The following PHACTR3 variants were observed in gnomAD, a reference collection of about 807,000 sequenced individuals.
PHACTR3 encodes the protein protein phosphatase 1, regulatory subunit 123.
A neutral mutation model predicts 66.8 loss-of-function variants in PHACTR3; 16 were observed. The observed-to-expected ratio is 0.24, with a 90% confidence interval of 0.16 to 0.36. The LOEUF (loss-of-function observed/expected upper bound fraction) is 0.36, where lower values mean the gene tolerates loss of function less well. Ranked by LOEUF, PHACTR3 falls within the 10% of genes least tolerant of loss-of-function variation. PHACTR3 has a pLI of 1.00. For missense variants in PHACTR3, 647 were observed against 719.9 expected, an observed-to-expected ratio of 0.90 and a Z score of 1.16; for synonymous variants, 323 against 292.1, an observed-to-expected ratio of 1.11 and a Z score of -1.08.
chr20:59,690,070 T>C (rs535451217), intron 1 of PHACTR3, among the ~76,000 whole-genome samples: 1 of 152,298 alleles, frequency 6.6e-6, no homozygotes, highest in South Asian at 2.1e-4. Flanking sequence ...TTCACATCTT[T>C]CAGTGGTTGC....
intron 8 of PHACTR3, among the ~76,000 whole-genome samples, chr20:59,817,976 A>G (rs1049520110): frequency 1.1e-4 from 16 of 152,322 alleles, no homozygotes; most frequent in African/African-American, 3.6e-4. Context: ...TTAGCAGGGA[A>G]AATAAATGGG....
intron 1 of PHACTR3, among the ~76,000 whole-genome samples, chr20:59,697,254 C>CT (rs1445081635): frequency 2.6e-5 from 4 of 152,198 alleles, no homozygotes; most frequent in Non-Finnish European, 5.9e-5. Context: ...ATGTGCCTGT[C>CT]TCAGGGTTAT....
At chr20:59,813,838 C>T (rs867942411) in intron 8 of PHACTR3, among the ~76,000 whole-genome samples, 17 of 152,308 alleles carry the variant, frequency 1.1e-4, no homozygotes, top group African/African-American at 3.9e-4. Flanking sequence ...CAGACCTCCT[C>T]TTGTCATTCT....
At chr20:59,681,885 C>T (rs985459980) in intron 1 of PHACTR3, among the ~76,000 whole-genome samples, 4 of 152,070 alleles carry the variant, frequency 2.6e-5, no homozygotes, top group Non-Finnish European at 4.4e-5. Context: ...TGGCACATGC[C>T]TTTAATCCCA....
intron 1 of PHACTR3, among the ~76,000 whole-genome samples, chr20:59,584,554 C>T (rs759406198): frequency 5.3e-5 from 8 of 152,080 alleles, no homozygotes; most frequent in African/African-American, 1.2e-4. Context: ...TGAGTGTGTA[C>T]GTGCATGAGT....
intron 1 of PHACTR3, among the ~76,000 whole-genome samples, chr20:59,713,101 T>C (rs2037964375): frequency 6.6e-6 from 1 of 152,242 alleles, no homozygotes; most frequent in African/African-American, 2.4e-5. Flanking sequence ...AGTTCTCATT[T>C]TGAATCAGGG....
Position 59,694,265 on chromosome 20 carries a change from A to G in PHACTR3, c.119-48842A>G, listed in dbSNP as rs1416412427. Among the ~76,000 whole-genome samples the G allele has an allele frequency of 1.2e-4, 18 of 152,142 alleles. 1 individual carries two copies. Among genetic ancestry groups the G allele is most frequent in the Admixed American group, 1.2e-3 (18 of 15,260 alleles). On this transcript the variant is annotated intron_variant, in intron 1 of 12. Coordinates refer to ENST00000371015, the MANE Select transcript of PHACTR3 (RefSeq NM_080672.5). ...CAGGTGAGAGGCTCCTCAGGGATCC[A>G]CAGACCATTGTTTTGGCTTCTGTCT...
intron 8 of PHACTR3, among the ~76,000 whole-genome samples, chr20:59,825,784 G>A (rs2042173183): frequency 1.3e-5 from 2 of 152,174 alleles, no homozygotes; most frequent in Admixed American, 6.5e-5. Context: ...CTTGGCATGT[G>A]CTGTGGTCTG....
intron 1 of PHACTR3, among the ~76,000 whole-genome samples, chr20:59,660,233 G>A (rs1182121855): frequency 4.6e-5 from 7 of 152,130 alleles, no homozygotes; most frequent in African/African-American, 1.4e-4. Flanking sequence ...AGTGGCTCAC[G>A]CCTGTAATCC....
At chr20:59,692,499 TGATGATG>T (rs1383795695) in intron 1 of PHACTR3, among the ~76,000 whole-genome samples, 1 of 152,186 alleles carries the variant, frequency 6.6e-6, no homozygotes, top group African/African-American at 2.4e-5. Flanking sequence ...GGAAGGAAGA[TGATGATG>T]GATGCTTCTA....
intron 1 of PHACTR3, among the ~76,000 whole-genome samples, chr20:59,686,493 G>C (rs2036864503): frequency 6.6e-6 from 1 of 152,218 alleles, no homozygotes; most frequent in African/African-American, 2.4e-5. Flanking sequence ...TGATGATCAT[G>C]GTTGTGATGA....
chr20:59,585,656 G>C (rs2033004593), intron 1 of PHACTR3, among the ~76,000 whole-genome samples: 1 of 152,210 alleles, frequency 6.6e-6, no homozygotes, highest in Admixed American at 6.5e-5. Flanking sequence ...GCACCTAGCA[G>C]GTGTGCTGTA....
At chr20:59,649,866 G>A (rs1180723240) in intron 1 of PHACTR3, among the ~76,000 whole-genome samples, 3 of 151,996 alleles carry the variant, frequency 2.0e-5, no homozygotes, top group East Asian at 1.9e-4. Context: ...TGCCCTGAAG[G>A]TCCAAAGGTA....
At chr20:59,605,281 T>C in intron 1 of PHACTR3, 149 bp downstream of exon 1, 1 of 486,094 alleles carries the variant, frequency 2.1e-6, no homozygotes, top group South Asian at 7.8e-5. Flanking sequence ...CTATCCCCAG[T>C]CTCGCAGGGC....
chr20:59,755,774 C>G (rs1390280268), intron 4 of PHACTR3, among the ~76,000 whole-genome samples: 1 of 152,166 alleles, frequency 6.6e-6, no homozygotes, highest in Non-Finnish European at 1.5e-5. Context: ...TGGCCGAAAT[C>G]CTGCCACAGG....
At position 59,686,896 on chromosome 20, in the gene PHACTR3, ATGG is replaced by A. The variant is rs535035997; in HGVS notation, c.119-56203_119-56201del. On this transcript the variant is annotated intron_variant, in intron 1 of 12. Coordinates refer to ENST00000371015, the MANE Select transcript of PHACTR3 (RefSeq NM_080672.5). ...TGTGATGATGGTGGTGATTGTGATG[ATGG>A]TGGTGGTTGTGATGGTGATGATTGT... Among the ~76,000 whole-genome samples the A allele has an allele frequency of 6.5e-5, 9 of 137,554 alleles. No individual in the cohort carries two copies. The East Asian group carries it at 1.9e-3, about 29-fold the overall frequency. 90.2% of individuals were successfully genotyped at this position (137,554 alleles called of 152,430 possible). A position where few individuals can be genotyped will look rare whatever the true frequency, so the allele number is the denominator to read the frequency against.
At chr20:59,784,086 G>A (rs149178320) in intron 7 of PHACTR3, among the ~76,000 whole-genome samples, 13 of 152,178 alleles carry the variant, frequency 8.5e-5, no homozygotes, top group African/African-American at 2.4e-4. Context: ...ACCTGCAGTC[G>A]GTGACTTTAA....
intron 8 of PHACTR3, among the ~76,000 whole-genome samples, chr20:59,818,036 G>T (rs1460661646): frequency 6.6e-6 from 1 of 152,180 alleles, no homozygotes; most frequent in African/African-American, 2.4e-5. Flanking sequence ...GGCTACCACT[G>T]TCAGTATCCT....
upstream of PHACTR3, among the ~76,000 whole-genome samples, chr20:59,599,798 G>A (rs1169658754): frequency 6.6e-6 from 1 of 152,098 alleles, no homozygotes; most frequent in African/African-American, 2.4e-5. Flanking sequence ...AGAGAACACC[G>A]AGTCCAGCCT....
Sources: allele counts gnomAD v4.1 joint callset (sites outside exome capture counted in the v4.1 genomes callset), GRCh38; gene constraint gnomAD v4.1.1; transcripts MANE v1.5; gene names NCBI Gene and HGNC (gene_info 2026-07-23, HGNC 2026-07-21).